Variants in DGKD observed in about 807,000 individuals in gnomAD.
The protein encoded by DGKD is DAG kinase delta.
In DGKD, 68 loss-of-function variants were observed where a neutral mutation model predicts 154.4. That is an observed-to-expected ratio of 0.44 (90% CI 0.36 to 0.54). The LOEUF (loss-of-function observed/expected upper bound fraction) is 0.54. DGKD is among the 20% of genes least tolerant of loss of function. DGKD has a pLI of 0.00. For synonymous variants in DGKD, 693 were observed against 638.0 expected, an observed-to-expected ratio of 1.09 and a Z score of -1.30; for missense variants, 1,343 against 1,593.6, an observed-to-expected ratio of 0.84 and a Z score of 2.68.
intron 2 of DGKD, chr2:233,388,863 A>G: frequency 6.7e-6 from 1 of 149,748 alleles, no homozygotes; most frequent in Non-Finnish European, 1.5e-5. Flanking sequence ...CTCCTGCCTC[A>G]GCCTCCCAAG....
At position 233,388,090 on chromosome 2, in the gene DGKD, C is replaced by T. The variant is rs1041357813; in HGVS notation, c.157-167C>T. The T allele has an allele frequency of 2.3e-5, 33 of 1,435,346 alleles. No individual in the cohort carries two copies. The South Asian group carries it at 2.7e-4, about 12-fold the overall frequency. The allele number at this position is 1,435,346 out of a possible 1,614,324, so 88.9% of individuals were successfully genotyped here. A position where few individuals can be genotyped will look rare whatever the true frequency, so the allele number is the denominator to read the frequency against. ...GGATTGGTGCAACCCCCCATGCCCC[C>T]GGCAGCGTGCTGGGCCTGTGCATAG... is the stretch of plus-strand genomic sequence containing the variant. On this transcript the variant is annotated intron_variant, in intron 1 of 29. Coordinates refer to ENST00000264057, the MANE Select transcript of DGKD (RefSeq NM_152879.3).
chr2:233,449,201 C>A lies in DGKD; in HGVS notation c.1713C>A (p.Ala571=), dbSNP rs768658481. 1.2e-6 allele frequency: 2 copies of A among 1,613,832 alleles called. No individual in the cohort carries two copies. Among genetic ancestry groups the A allele is most frequent in the South Asian group, 1.1e-5 (1 of 91,078 alleles). Residue 571 remains alanine (A), a synonymous_variant, in exon 15 of 30, where the codon GCC becomes GCA. Transcript: ENST00000264057. This position sits in a 1 kb window ranked among gnomAD's most constrained non-coding sequence, Gnocchi z 5.3. Reference sequence around the variant, plus strand: ...TGCCCAACCCGCCCCCCACCATTGCCGAGGAGGCTGAAGATGGAGATGGGT... The same window carrying A: ...TGCCCAACCCGCCCCCCACCATTGCAGAGGAGGCTGAAGATGGAGATGGGT... ...SSLPNPPPTI[A]EEAEDGDGSG...
chr2:233,459,187 C>T lies in DGKD; in HGVS notation c.2695-570C>T, dbSNP rs1361718994. ...CTTTCTGTGAGGATGGGGCAGGACT[C>T]TGTACCCAGGCACAGGCACTGGGGC... On this transcript the variant is annotated intron_variant, in intron 22 of 29. Coordinates refer to ENST00000264057, the MANE Select transcript of DGKD (RefSeq NM_152879.3). This position sits in a 1 kb window ranked among gnomAD's most constrained non-coding sequence, Gnocchi z 5.7. 1.3e-5 allele frequency among the ~76,000 whole-genome samples: 2 copies of T among 152,120 alleles called. No individual in the cohort carries two copies. The highest frequency in any genetic ancestry group is 2.4e-5 in the African/African-American group (1 of 41,420).
Position 233,458,323 on chromosome 2 carries a change from G to T in DGKD, c.2620G>T (p.Val874Leu). Reference sequence around the variant, plus strand: ...ATCATTCGATGACAAGATTCTGGAGGTGGTCGCCGTGTTCGGCAGCATGCA... The same window carrying T: ...ATCATTCGATGACAAGATTCTGGAGTTGGTCGCCGTGTTCGGCAGCATGCA... ...APSFDDKILEVVAVFGSMQMA... is the reference protein window; with the variant it reads ...APSFDDKILELVAVFGSMQMA... The change falls in exon 22 of 30, where the codon GTG (valine) becomes TTG (leucine). Residue 874 changes from valine (V) to leucine (L), a missense_variant. By Grantham distance (32) the Val-to-Leu change is conservative. Transcript: ENST00000264057. This position sits in a 1 kb window ranked among gnomAD's most constrained non-coding sequence, Gnocchi z 6.6. 1 of 1,612,732 alleles carries T rather than the reference G, an allele frequency of 6.2e-7. No homozygotes were observed. Among genetic ancestry groups the T allele is most frequent in the Non-Finnish European group, 8.5e-7 (1 of 1,179,870 alleles).
chr2:233,429,855 G>A (rs906884058), intron 3 of DGKD, among the ~76,000 whole-genome samples: 1 of 152,198 alleles, frequency 6.6e-6, no homozygotes, highest in Non-Finnish European at 1.5e-5. Context: ...CACCAACCCA[G>A]GATATGTGGA....
chr2:233,365,067 G>A (rs954991671), intron 1 of DGKD, among the ~76,000 whole-genome samples: 2 of 152,106 alleles, frequency 1.3e-5, no homozygotes, highest in Admixed American at 1.3e-4. Flanking sequence ...TTAAAATTTG[G>A]AAGTAATGAC....
chr2:233,448,464 C>A, intron 14 of DGKD, 89 bp downstream of exon 14: 1 of 1,195,808 alleles, frequency 8.4e-7, no homozygotes, highest in Non-Finnish European at 1.2e-6. Context: ...GCAGGTTGTC[C>A]AGGTTCTTGG....
intron 3 of DGKD, among the ~76,000 whole-genome samples, chr2:233,414,496 C>T (rs894780407): frequency 7.2e-5 from 11 of 152,206 alleles, no homozygotes; most frequent in Admixed American, 4.6e-4. Context: ...GCACTCCATC[C>T]CTCCCTCCAG....
Position 233,354,581 on chromosome 2 carries a change from C to A in DGKD, c.63C>A (p.Pro21=). Residue 21 remains proline, a synonymous_variant, in exon 1 of 30, where the codon CCC becomes CCA. Coordinates refer to ENST00000264057, the MANE Select transcript of DGKD (RefSeq NM_152879.3). This position sits in a 1 kb window ranked among gnomAD's most constrained non-coding sequence, Gnocchi z 4.8. ...CGCAACCGCCTCCGCCGCCGCCGCC[C>A]GAGGAGTCGTCCGACAGCGAGCCCG... ...GPPQPPPPPP[P]EESSDSEPEA... 9.1e-7 allele frequency: 1 copy of A among 1,099,524 alleles called. No homozygotes were observed. Among genetic ancestry groups the A allele is most frequent in the South Asian group, 2.1e-5 (1 of 48,240 alleles). The allele number at this position is 1,099,524 out of a possible 1,614,324, so 68.1% of individuals were successfully genotyped here. A position where few individuals can be genotyped will look rare whatever the true frequency, so the allele number is the denominator to read the frequency against.
chr2:233,413,526 A>T (rs1420747497), intron 3 of DGKD, among the ~76,000 whole-genome samples: 4 of 152,102 alleles, frequency 2.6e-5, no homozygotes, highest in Non-Finnish European at 5.9e-5. Flanking sequence ...GAGAAGGGAT[A>T]TCATGGGGCT....
chr2:233,410,784 T>C (rs1047159260), intron 3 of DGKD, among the ~76,000 whole-genome samples: 2 of 151,294 alleles, frequency 1.3e-5, no homozygotes, highest in African/African-American at 4.9e-5. Context: ...CACACACACT[T>C]TCTCTCTCTC....
At chr2:233,451,931 C>G (rs760192762) in intron 17 of DGKD, 33 bp from the exon 18 acceptor site, 2 of 1,598,818 alleles carry the variant, frequency 1.3e-6, no homozygotes, top group South Asian at 2.2e-5. Context: ...AGCTCCTGAC[C>G]AGCACCACCT....
chr2:233,461,146 G>C (rs1321185308), intron 24 of DGKD, among the ~76,000 whole-genome samples: 1 of 152,024 alleles, frequency 6.6e-6, no homozygotes. Context: ...CTCCTCGCCC[G>C]CCAGGTGCGG....
intron 1 of DGKD, among the ~76,000 whole-genome samples, chr2:233,362,934 T>C (rs1701850727): frequency 6.6e-6 from 1 of 152,230 alleles, no homozygotes. Flanking sequence ...GTGGTGATGC[T>C]GGTGTAAACA....
intron 1 of DGKD, among the ~76,000 whole-genome samples, chr2:233,374,830 T>C (rs947945449): frequency 6.6e-6 from 1 of 150,800 alleles, no homozygotes; most frequent in Non-Finnish European, 1.5e-5. Context: ...TTTATAGAGA[T>C]AGAGTCTCTA....
chr2:233,378,881 GCAAAA>G (rs756982349), intron 1 of DGKD, among the ~76,000 whole-genome samples: 1 of 152,156 alleles, frequency 6.6e-6, no homozygotes, highest in Non-Finnish European at 1.5e-5. Context: ...ACAAAGCAAA[GCAAAA>G]CAAAACAAAA....
chr2:233,469,270 T>C (rs542238967), intron 29 of DGKD, 101 bp from the exon 30 acceptor site: 2 of 1,022,460 alleles, frequency 2.0e-6, no homozygotes, highest in Admixed American at 4.3e-5. Context: ...TCATTTGTGT[T>C]CACAAGCCGA....
intron 1 of DGKD, among the ~76,000 whole-genome samples, chr2:233,376,424 G>T (rs1702576196): frequency 6.6e-6 from 1 of 152,056 alleles, no homozygotes; most frequent in South Asian, 2.1e-4. Flanking sequence ...GTAAAATGGG[G>T]CTATAACTAT....
chr2:233,368,747 C>A (rs922779552), intron 1 of DGKD, among the ~76,000 whole-genome samples: 2 of 152,164 alleles, frequency 1.3e-5, no homozygotes, highest in Non-Finnish European at 2.9e-5. Flanking sequence ...CAGTGTTTTA[C>A]AATCAGTTAC....
Sources: allele counts gnomAD v4.1 joint callset (sites outside exome capture counted in the v4.1 genomes callset), GRCh38; gene constraint gnomAD v4.1.1; non-coding constraint Gnocchi (gnomAD v3.1); transcripts MANE v1.5; gene names NCBI Gene and HGNC (gene_info 2026-07-23, HGNC 2026-07-21).